NAALADL2: variants seen among roughly 807,000 people sequenced by gnomAD.
NAALADL2 encodes the protein inactive N-acetylated-alpha-linked acidic dipeptidase-like protein 2.
Under a neutral mutation model 87.2 loss-of-function variants are expected in NAALADL2, and 76 were observed. That is an observed-to-expected ratio of 0.87 (90% CI 0.72 to 1.05). The LOEUF (loss-of-function observed/expected upper bound fraction) is 1.05, where lower values mean the gene tolerates loss of function less well. Ranked by LOEUF, NAALADL2 falls within the 50% of genes least tolerant of loss-of-function variation. The probability of loss-of-function intolerance (pLI) is 0.00; values close to 1 mark genes in which losing one functional copy is unlikely to be tolerated. For synonymous variants in NAALADL2, 354 were observed against 331.0 expected (o/e 1.07, Z -0.75); for missense variants, 1,089 against 945.8 (o/e 1.15, Z -1.99).
intron 1 of NAALADL2, among the ~76,000 whole-genome samples, chr3:175,016,310 G>C (rs1365221077): frequency 6.7e-6 from 1 of 148,650 alleles, no homozygotes; most frequent in Non-Finnish European, 1.5e-5. Flanking sequence ...ATAAAATGTA[G>C]TATATCCATA....
chr3:175,274,806 G>C (rs1753344933), intron 4 of NAALADL2, among the ~76,000 whole-genome samples: 1 of 152,128 alleles, frequency 6.6e-6, no homozygotes, highest in Admixed American at 6.6e-5. Flanking sequence ...TCAAGCAAGG[G>C]TAGGTGAACT....
chr3:175,339,696 T>A (rs1228213594), intron 5 of NAALADL2, among the ~76,000 whole-genome samples: 1 of 152,152 alleles, frequency 6.6e-6, no homozygotes, highest in Admixed American at 6.5e-5. Flanking sequence ...GTAACATACT[T>A]TTAAAATTGC....
chr3:175,797,882 G>C (rs576919509), intron 13 of NAALADL2, among the ~76,000 whole-genome samples: 138 of 152,152 alleles, frequency 9.1e-4, no homozygotes, highest in Middle Eastern at 3.4e-3. Context: ...GTCAAGAGAT[G>C]ATTCTGAGAG....
chr3:174,472,836 A>G (rs937333655), intron 1 of NAALADL2, among the ~76,000 whole-genome samples: 1 of 152,216 alleles, frequency 6.6e-6, no homozygotes, highest in Non-Finnish European at 1.5e-5. Context: ...GTTCAGAACC[A>G]CATGTTGCAC....
chr3:174,844,434 C>T (rs577525319), intron 3 of NAALADL2, among the ~76,000 whole-genome samples: 2 of 152,114 alleles, frequency 1.3e-5, no homozygotes, highest in African/African-American at 2.4e-5. Context: ...AGTGTGATAC[C>T]TCCAGCTTTG....
intron 13 of NAALADL2, among the ~76,000 whole-genome samples, chr3:175,795,498 C>T (rs1035223551): frequency 4.0e-5 from 6 of 148,914 alleles, no homozygotes; most frequent in Non-Finnish European, 5.9e-5. Context: ...ACAGTGAAAC[C>T]CCGTCTCTAC....
chr3:175,513,602 G>T (rs557830514), intron 9 of NAALADL2, among the ~76,000 whole-genome samples: 1 of 152,106 alleles, frequency 6.6e-6, no homozygotes. Flanking sequence ...TAAAAAACAA[G>T]CTTTTACATT....
At chr3:174,946,324 C>A (rs1305089110) in intron 1 of NAALADL2, among the ~76,000 whole-genome samples, 2 of 151,958 alleles carry the variant, frequency 1.3e-5, no homozygotes, top group African/African-American at 4.8e-5. Context: ...AAGTATTTCA[C>A]AAAAATTCAG....
chr3:174,625,340 A>G (rs1293824591), intron 2 of NAALADL2, among the ~76,000 whole-genome samples: 2 of 151,996 alleles, frequency 1.3e-5, no homozygotes, highest in Non-Finnish European at 2.9e-5. Context: ...CTACAGCCAT[A>G]AGCCACCACG....
chr3:174,487,695 G>GT (rs11437802), intron 1 of NAALADL2, among the ~76,000 whole-genome samples: 18,920 of 141,872 alleles, frequency 0.13, 1,876 homozygotes, highest in East Asian at 0.46. Flanking sequence ...GAGTAAGAGT[G>GT]TTTTTTTTTT....
chr3:175,131,317 G>A (rs1193152130), intron 2 of NAALADL2, among the ~76,000 whole-genome samples: 1 of 152,010 alleles, frequency 6.6e-6, no homozygotes, highest in Non-Finnish European at 1.5e-5. Flanking sequence ...CAGTGTTTGT[G>A]TCCCTGGATA....
chr3:175,196,698 G>A lies in NAALADL2; in HGVS notation c.546-37233G>A, dbSNP rs542590689. ...TGCATTTTTAGTATGAGGTAAAAAC[G>A]TATTTCACAAAAAGTACGAGGTTTT... is the stretch of plus-strand genomic sequence containing the variant. On this transcript the variant is annotated intron_variant, in intron 2 of 13. Transcript: ENST00000454872. Among the ~76,000 whole-genome samples the A allele has an allele frequency of 1.3e-4, 20 of 151,976 alleles. No individual in the cohort carries two copies. The South Asian group carries it at 3.3e-3, about 25-fold the overall frequency.
chr3:174,672,991 T>C (rs1306964060), intron 2 of NAALADL2, among the ~76,000 whole-genome samples: 1 of 152,020 alleles, frequency 6.6e-6, no homozygotes, highest in Admixed American at 6.6e-5. Context: ...TGATGTATAT[T>C]TTCACAAAAT....
intron 9 of NAALADL2, among the ~76,000 whole-genome samples, chr3:175,530,618 A>G (rs570464097): frequency 1.3e-5 from 2 of 152,184 alleles, no homozygotes; most frequent in African/African-American, 2.4e-5. Flanking sequence ...TCCTCTATCA[A>G]CCAATCATAG....
chr3:175,458,140 A>G (rs1722597999), intron 6 of NAALADL2, among the ~76,000 whole-genome samples: 1 of 152,060 alleles, frequency 6.6e-6, no homozygotes, highest in South Asian at 2.1e-4. Flanking sequence ...TTCCTGTGCC[A>G]GCTGTTATCA....
At chr3:175,364,095 C>T (rs1765308800) in intron 5 of NAALADL2, among the ~76,000 whole-genome samples, 1 of 147,490 alleles carries the variant, frequency 6.8e-6, no homozygotes, top group South Asian at 2.2e-4. Context: ...CCTGACCAAC[C>T]CATGTAATTA....
At position 175,482,935 on chromosome 3, in the gene NAALADL2, A is replaced by T. The variant is rs185751471; in HGVS notation, c.1653+11177A>T. ...TTGTTTGTAAGTGTCCTATCTGCTC[A>T]TTCCAACAACGTCTTTTGGACAGGA... On this transcript the variant is annotated intron_variant, in intron 9 of 13. Transcript: ENST00000454872. Among the ~76,000 whole-genome samples the T allele has an allele frequency of 4.5e-3, 682 of 152,038 alleles. 6 individuals carry two copies. The highest frequency in any genetic ancestry group is 0.016 in the African/African-American group (663 of 41,524).
At chr3:175,521,982 A>AT (rs943803541) in intron 9 of NAALADL2, among the ~76,000 whole-genome samples, 7 of 152,084 alleles carry the variant, frequency 4.6e-5, no homozygotes, top group Non-Finnish European at 8.8e-5. Flanking sequence ...AATAATCAAC[A>AT]TTTTTCTGCT....
At chr3:174,795,492 T>G (rs1578961946) in intron 3 of NAALADL2, among the ~76,000 whole-genome samples, 1 of 152,334 alleles carries the variant, frequency 6.6e-6, no homozygotes, top group East Asian at 1.9e-4. Flanking sequence ...ATAATGTTCA[T>G]ATGAACATCT....
Sources: gnomAD v4.1 joint callset for allele counts (sites outside exome capture counted in the v4.1 genomes callset) on GRCh38, gnomAD v4.1.1 for gene constraint, MANE v1.5 for transcripts, NCBI Gene and HGNC (gene_info 2026-07-23, HGNC 2026-07-21) for gene names.